Variants in L3MBTL4 observed in about 807,000 individuals in gnomAD.
L3MBTL4 encodes the protein lethal(3)malignant brain tumor-like protein 4.
In L3MBTL4, 70 loss-of-function variants were observed where a neutral mutation model predicts 84.5. The ratio of observed to expected loss-of-function variants is 0.83; its 90% CI spans 0.68 to 1.01. L3MBTL4 has a LOEUF of 1.01. Among genes scored for constraint, L3MBTL4 ranks in the 50% least tolerant of loss-of-function variants. The pLI, the probability that L3MBTL4 is intolerant of heterozygous loss-of-function variation, is 0.00. For synonymous variants in L3MBTL4, 274 were observed against 259.8 expected, an observed-to-expected ratio of 1.05 and a Z score of -0.52; for missense variants, 715 against 754.8, an observed-to-expected ratio of 0.95 and a Z score of 0.62.
At chr18:6,266,815 TG>T (rs1430560586) in intron 4 of L3MBTL4, among the ~76,000 whole-genome samples, 1 of 152,018 alleles carries the variant, frequency 6.6e-6, no homozygotes, top group Non-Finnish European at 1.5e-5. Flanking sequence ...CCCAGCTACT[TG>T]GGAGGCTGAG....
chr18:6,047,542 G>C (rs1009151388), intron 16 of L3MBTL4, among the ~76,000 whole-genome samples: 1 of 152,120 alleles, frequency 6.6e-6, no homozygotes, highest in Admixed American at 6.6e-5. Context: ...ACATCAAAAA[G>C]TTAATTCACC....
chr18:5,969,092 G>A (rs2052500882), intron 17 of L3MBTL4, among the ~76,000 whole-genome samples: 1 of 152,096 alleles, frequency 6.6e-6, no homozygotes, highest in Non-Finnish European at 1.5e-5. Flanking sequence ...TGGAATTGGA[G>A]GCTTAAGCCC....
At chr18:5,995,379 T>C (rs1483774987) in intron 16 of L3MBTL4, among the ~76,000 whole-genome samples, 1 of 152,144 alleles carries the variant, frequency 6.6e-6, no homozygotes, top group Non-Finnish European at 1.5e-5. Context: ...CCTGAACCAT[T>C]TTTTTTTCTT....
intron 1 of L3MBTL4, among the ~76,000 whole-genome samples, chr18:6,410,214 TA>T (rs2055908861): frequency 6.6e-6 from 1 of 152,108 alleles, no homozygotes; most frequent in Non-Finnish European, 1.5e-5. Context: ...CAAACCGCCT[TA>T]GGGGCTTCTC....
At chr18:6,276,922 A>G (rs2049104031) in intron 4 of L3MBTL4, among the ~76,000 whole-genome samples, 1 of 152,174 alleles carries the variant, frequency 6.6e-6, no homozygotes, top group Admixed American at 6.5e-5. Flanking sequence ...CTGTCAAGTA[A>G]GAATTATACA....
intron 1 of L3MBTL4, among the ~76,000 whole-genome samples, chr18:6,342,499 T>C (rs2052655335): frequency 6.6e-6 from 1 of 152,178 alleles, no homozygotes; most frequent in South Asian, 2.1e-4. Context: ...AAAGTTGTTA[T>C]CAGCTTAAAA....
At chr18:6,045,641 C>T (rs2056585719) in intron 16 of L3MBTL4, among the ~76,000 whole-genome samples, 1 of 152,164 alleles carries the variant, frequency 6.6e-6, no homozygotes, top group African/African-American at 2.4e-5. Flanking sequence ...GAAAGACCTG[C>T]CTCCATGACT....
At chr18:6,355,433 T>C (rs2053397603) in intron 1 of L3MBTL4, among the ~76,000 whole-genome samples, 1 of 152,162 alleles carries the variant, frequency 6.6e-6, no homozygotes, top group South Asian at 2.1e-4. Flanking sequence ...GTTGATTTTT[T>C]TTTTTCTTTG....
At chr18:6,105,915 A>G (rs1214821059) in intron 14 of L3MBTL4, among the ~76,000 whole-genome samples, 1 of 152,182 alleles carries the variant, frequency 6.6e-6, no homozygotes, top group African/African-American at 2.4e-5. Flanking sequence ...AAAGAAAGAT[A>G]CCATCAAAAC....
At chr18:6,133,955 A>G (rs1482183278) in intron 14 of L3MBTL4, among the ~76,000 whole-genome samples, 1 of 152,190 alleles carries the variant, frequency 6.6e-6, no homozygotes, top group Non-Finnish European at 1.5e-5. Context: ...TCTTCAGTAA[A>G]CACATTGTGC....
chr18:6,045,573 T>A (rs1026827303), intron 16 of L3MBTL4, among the ~76,000 whole-genome samples: 3 of 151,932 alleles, frequency 2.0e-5, no homozygotes, highest in Non-Finnish European at 4.4e-5. Context: ...GTGCAGGGAA[T>A]CTCCCATTTT....
chr18:6,103,147 A>G (rs988686873), intron 14 of L3MBTL4, among the ~76,000 whole-genome samples: 14 of 152,256 alleles, frequency 9.2e-5, no homozygotes, highest in Admixed American at 9.2e-4. Context: ...TCTGATGAAT[A>G]GAATCTGCAG....
chr18:6,053,289 T>TTC (rs1474158263), intron 16 of L3MBTL4, among the ~76,000 whole-genome samples: 1 of 152,202 alleles, frequency 6.6e-6, no homozygotes, highest in Non-Finnish European at 1.5e-5. Context: ...AGTACTGAGT[T>TTC]TCCACTGCAG....
intron 16 of L3MBTL4, among the ~76,000 whole-genome samples, chr18:5,976,775 A>T (rs916417012): frequency 1.3e-5 from 2 of 152,180 alleles, no homozygotes; most frequent in Non-Finnish European, 2.9e-5. Context: ...GAAGGCAGGG[A>T]TATTTTTCAT....
At chr18:6,136,432 G>GCTA (rs2060030815) in intron 14 of L3MBTL4, among the ~76,000 whole-genome samples, 1 of 152,142 alleles carries the variant, frequency 6.6e-6, no homozygotes, top group Non-Finnish European at 1.5e-5. Flanking sequence ...AGGACCAGAG[G>GCTA]CTACTCCCTT....
chr18:5,965,160 T>C (rs979057869), intron 17 of L3MBTL4, among the ~76,000 whole-genome samples: 1 of 152,182 alleles, frequency 6.6e-6, no homozygotes, highest in Non-Finnish European at 1.5e-5. Context: ...GTCTGGTCTT[T>C]CATTTTATAA....
At chr18:6,068,724 C>A (rs1313411833) in intron 16 of L3MBTL4, among the ~76,000 whole-genome samples, 1 of 151,970 alleles carries the variant, frequency 6.6e-6, no homozygotes, top group Non-Finnish European at 1.5e-5. Flanking sequence ...GGAAAAGGAC[C>A]CCCTTTCCAA....
At chr18:6,294,670 A>G (rs1341719639) in intron 4 of L3MBTL4, among the ~76,000 whole-genome samples, 1 of 152,158 alleles carries the variant, frequency 6.6e-6, no homozygotes, top group Admixed American at 6.5e-5. Flanking sequence ...TGTCTCCACT[A>G]GAACTAAGTG....
At chr18:6,013,657 T>A (rs2054835100) in intron 16 of L3MBTL4, among the ~76,000 whole-genome samples, 1 of 152,214 alleles carries the variant, frequency 6.6e-6, no homozygotes, top group Non-Finnish European at 1.5e-5. Flanking sequence ...AAGTACTGCA[T>A]ATGCCTGCCT....
Sources: allele counts gnomAD v4.1 joint callset (sites outside exome capture counted in the v4.1 genomes callset), GRCh38; gene constraint gnomAD v4.1.1; transcripts MANE v1.5; gene names NCBI Gene and HGNC (gene_info 2026-07-23, HGNC 2026-07-21).